IFT88: variants seen among roughly 807,000 people sequenced by gnomAD.
IFT88 encodes the protein intraflagellar transport protein 88 homolog.
A neutral mutation model predicts 119.5 loss-of-function variants in IFT88; 74 were observed. That is an observed-to-expected ratio of 0.62 (90% CI 0.51 to 0.75). The LOEUF is 0.75. Ranked by LOEUF, IFT88 falls within the 30% of genes least tolerant of loss-of-function variation. The pLI is 0.00. For synonymous variants in IFT88, 279 were observed against 316.7 expected (o/e 0.88, Z 1.26); for missense variants, 961 against 977.7 (o/e 0.98, Z 0.23).
chr13:20,598,882 G>A lies in IFT88; in HGVS notation c.697+129G>A. On this transcript the variant is annotated intron_variant, in intron 10 of 25. Coordinates refer to ENST00000351808, the MANE Select transcript of IFT88 (RefSeq NM_006531.5). The stretch of plus-strand genomic sequence containing the variant: ...AAACAAATCAGTATTTATGATAGGG[G>A]TATCCTGCTTAAACATACTATTTAT... The A allele has an allele frequency of 5.3e-6, 3 of 563,410 alleles. No individual in the cohort carries two copies. The South Asian group carries it at 6.7e-5, about 13-fold the overall frequency. The allele number at this position is 563,410 out of a possible 1,614,324, so 34.9% of individuals were successfully genotyped here. A position where few individuals can be genotyped will look rare whatever the true frequency, so the allele number is the denominator to read the frequency against.
At position 20,596,219 on chromosome 13, in the gene IFT88, T is replaced by C; in HGVS notation, c.468T>C (p.Asn156=). ...TGGTAGAAGAAAGCTGTATTGCCAA[T>C]AGTTGTGGAGACTTAAAATTGGTAA... ...NELVEESCIA[N]SCGDLKLALE... Residue 156 remains asparagine, a synonymous_variant, in exon 8 of 26, where the codon AAT becomes AAC. Coordinates refer to ENST00000351808, the MANE Select transcript of IFT88 (RefSeq NM_006531.5). 6.5e-7 allele frequency: 1 copy of C among 1,542,164 alleles called. No individual in the cohort carries two copies. Among genetic ancestry groups the C allele is most frequent in the Non-Finnish European group, 8.8e-7 (1 of 1,130,092 alleles).
intron 20 of IFT88, among the ~76,000 whole-genome samples, chr13:20,649,082 T>C (rs1472547685): frequency 6.6e-6 from 1 of 152,150 alleles, no homozygotes; most frequent in African/African-American, 2.4e-5. Context: ...CTTAATACTT[T>C]TAAAAATGTG....
At position 20,687,048 on chromosome 13, in the gene IFT88, A is replaced by AC. The variant is rs796365077; in HGVS notation, c.2243-3657_2243-3656insC. On this transcript the variant is annotated intron_variant, in intron 24 of 25. Coordinates refer to ENST00000351808, the MANE Select transcript of IFT88 (RefSeq NM_006531.5). The stretch of plus-strand genomic sequence containing the variant: ...AAAAAAAAAAAAAAAAAAAAAAAAA[A>AC]ACCTCATATTTAAAAACTACGTCAC... 6.2e-4 allele frequency among the ~76,000 whole-genome samples: 87 copies of AC among 139,800 alleles called. 6 individuals are homozygous for AC. The East Asian group carries it at 8.0e-3, about 13-fold the overall frequency. 91.7% of individuals were successfully genotyped at this position (139,800 alleles called of 152,430 possible). A position where few individuals can be genotyped will look rare whatever the true frequency, so the allele number is the denominator to read the frequency against.
At chr13:20,613,952 T>TAGATGAGTGG (rs146600840) in intron 13 of IFT88, among the ~76,000 whole-genome samples, 1 of 152,088 alleles carries the variant, frequency 6.6e-6, no homozygotes, top group African/African-American at 2.4e-5. Flanking sequence ...TCTATAAAGA[T>TAGATGAGTGG]TTGCCAGGGA....
intron 13 of IFT88, among the ~76,000 whole-genome samples, chr13:20,611,868 A>C (rs924689657): frequency 3.9e-5 from 6 of 152,098 alleles, no homozygotes; most frequent in Non-Finnish European, 8.8e-5. Flanking sequence ...GGCCTCCCAA[A>C]TTGCTGGGAT....
rs536205625 is a variant in IFT88 at position 20,628,656 on chromosome 13, T to C, written c.1300-2360T>C. Among the ~76,000 whole-genome samples the C allele has an allele frequency of 3.3e-5, 5 of 152,332 alleles. No individual in the cohort carries two copies. The South Asian group carries it at 1.0e-3, about 32-fold the overall frequency. On this transcript the variant is annotated intron_variant, in intron 15 of 25. Coordinates refer to ENST00000351808, the MANE Select transcript of IFT88 (RefSeq NM_006531.5). ...CTTGAGCGAAAAAATACCCGAGTGT[T>C]CCTTTTATTAGAATAATTATGTAGC... is the stretch of plus-strand genomic sequence containing the variant.
chr13:20,661,346 G>A (rs1053042719), intron 22 of IFT88, among the ~76,000 whole-genome samples: 3 of 152,160 alleles, frequency 2.0e-5, no homozygotes, highest in Non-Finnish European at 4.4e-5. Flanking sequence ...TTAGAGGGAT[G>A]CAGAGTCTAT....
chr13:20,596,638 A>C (rs2041692159), intron 8 of IFT88, among the ~76,000 whole-genome samples: 1 of 152,208 alleles, frequency 6.6e-6, no homozygotes, highest in Admixed American at 6.5e-5. Flanking sequence ...AAACTAAAAA[A>C]TTAGTTTGCT....
chr13:20,598,687 G>A lies in IFT88; in HGVS notation c.631G>A (p.Glu211Lys). Residue 211 changes from glutamate (E) to lysine (K), a missense_variant, in exon 10 of 26, where the codon GAA becomes AAA. Coordinates refer to ENST00000351808, the MANE Select transcript of IFT88 (RefSeq NM_006531.5). The stretch of plus-strand genomic sequence containing the variant: ...TTTGGCCAGTCAGTATTCAGTTAAT[G>A]AAATGTATGCCGAAGCACTTAACAC... ...FNLASQYSVNEMYAEALNTYQ... is the reference protein window; with the variant it reads ...FNLASQYSVNKMYAEALNTYQ... 6.2e-7 allele frequency: 1 copy of A among 1,611,258 alleles called. No individual in the cohort carries two copies. Among genetic ancestry groups the A allele is most frequent in the Non-Finnish European group, 8.5e-7 (1 of 1,178,178 alleles).
intron 24 of IFT88, among the ~76,000 whole-genome samples, chr13:20,690,500 T>A (rs1386586610): frequency 1.3e-5 from 2 of 152,210 alleles, no homozygotes; most frequent in African/African-American, 2.4e-5. Flanking sequence ...AGACTACTCT[T>A]AAGTGATGTT....
At chr13:20,671,495 C>T (rs1233977081) in intron 24 of IFT88, among the ~76,000 whole-genome samples, 2 of 152,164 alleles carry the variant, frequency 1.3e-5, no homozygotes, top group Non-Finnish European at 2.9e-5. Flanking sequence ...GTGTGAGTCC[C>T]AGTCTTGATC....
At position 20,641,591 on chromosome 13, in the gene IFT88, C is replaced by T. The variant is rs1339030822; in HGVS notation, c.1682+193C>T. On this transcript the variant is annotated intron_variant, in intron 18 of 25. Coordinates refer to ENST00000351808, the MANE Select transcript of IFT88 (RefSeq NM_006531.5). ...TCCTATTTTAAGATGTAGTTTGCATCGAAAGAGGAATTAATGGTTAAAACT... is the reference window on the plus strand; with the variant it reads ...TCCTATTTTAAGATGTAGTTTGCATTGAAAGAGGAATTAATGGTTAAAACT... 33 of 413,370 alleles carry T rather than the reference C, an allele frequency of 8.0e-5. No homozygotes were observed. In the Admixed American group the frequency reaches 1.2e-3, roughly 15 times the overall value. The allele number at this position is 413,370 out of a possible 1,614,324, so 25.6% of individuals were successfully genotyped here.
intron 20 of IFT88, among the ~76,000 whole-genome samples, chr13:20,645,811 TAAAG>T (rs1372504545): frequency 6.6e-6 from 1 of 152,232 alleles, no homozygotes; most frequent in Non-Finnish European, 1.5e-5. Context: ...ATTTGAATGA[TAAAG>T]AAATGCTTAA....
Position 20,644,956 on chromosome 13 carries a change from A to T in IFT88, c.1947A>T (p.Ile649=), listed in dbSNP as rs767191396. The part of the protein sequence containing the change: ...AIQYFERASL[I]QPTQVKWQLM... ...AGTACTTTGAAAGAGCTTCTCTTAT[A>T]CAGTAAGTAATCATTAGGATTTTAT... The change falls in exon 20 of 26, where the codon ATA becomes ATT. Residue 649 remains isoleucine (I), a splice_region_variant and synonymous_variant. Transcript: ENST00000351808. The T allele has an allele frequency of 1.4e-6, 2 of 1,401,956 alleles. No individual in the cohort carries two copies. Among genetic ancestry groups the T allele is most frequent in the South Asian group, 2.4e-5 (2 of 82,464 alleles). 86.8% of individuals were successfully genotyped at this position (1,401,956 alleles called of 1,614,324 possible).
chr13:20,588,531 G>A (rs554024506), intron 3 of IFT88, among the ~76,000 whole-genome samples: 4 of 152,238 alleles, frequency 2.6e-5, no homozygotes, highest in African/African-American at 7.2e-5. Context: ...GCACTACTCA[G>A]TATGAGAGAC....
At chr13:20,681,276 TTGAC>T (rs1469629470) in intron 24 of IFT88, among the ~76,000 whole-genome samples, 1 of 152,194 alleles carries the variant, frequency 6.6e-6, no homozygotes, top group Non-Finnish European at 1.5e-5. Flanking sequence ...ATTCTCCTGT[TTGAC>T]AGGTAGCCCA....
At chr13:20,617,838 G>A (rs9285141) in intron 14 of IFT88, among the ~76,000 whole-genome samples, 192 of 152,240 alleles carry the variant, frequency 1.3e-3, no homozygotes, top group African/African-American at 4.5e-3. Context: ...CTGTCAACCA[G>A]GCTGGAGCGC....
At chr13:20,662,261 A>G (rs2053939225) in intron 22 of IFT88, among the ~76,000 whole-genome samples, 1 of 152,000 alleles carries the variant, frequency 6.6e-6, no homozygotes, top group African/African-American at 2.4e-5. Flanking sequence ...AGACTAAAAA[A>G]CAGAAAGGAA....
chr13:20,587,039 G>C lies in IFT88; in HGVS notation c.154-2772G>C, dbSNP rs539620656. 6.6e-4 allele frequency among the ~76,000 whole-genome samples: 101 copies of C among 151,918 alleles called. 1 individual carries two copies. The highest frequency in any genetic ancestry group is 2.4e-3 in the African/African-American group (98 of 41,428). ...AATTTCCAAACAATACATTTTTCTAGTTATCTCTGTGTTACTGATTTCTAG... is the reference window on the plus strand; with the variant it reads ...AATTTCCAAACAATACATTTTTCTACTTATCTCTGTGTTACTGATTTCTAG... On this transcript the variant is annotated intron_variant, in intron 3 of 25. Transcript: ENST00000351808.
Sources: gnomAD v4.1 joint callset for allele counts (sites outside exome capture counted in the v4.1 genomes callset) on GRCh38, gnomAD v4.1.1 for gene constraint, MANE v1.5 for transcripts, NCBI Gene and HGNC (gene_info 2026-07-23, HGNC 2026-07-21) for gene names.